The following DAB1 variants were observed in gnomAD, a reference collection of about 807,000 sequenced individuals.
The protein encoded by DAB1 is DAB adaptor protein 1, also known as disabled homolog 1.
In DAB1, 15 loss-of-function variants were observed where a neutral mutation model predicts 64.6. That is an observed-to-expected ratio of 0.23 (90% CI 0.16 to 0.36). DAB1 has a LOEUF of 0.36. Ranked by LOEUF, DAB1 falls within the 10% of genes least tolerant of loss-of-function variation. The pLI is 1.00. For missense variants in DAB1, 596 were observed against 706.7 expected (o/e 0.84, Z 1.78); for synonymous variants, 235 against 251.9 (o/e 0.93, Z 0.64).
chr1:57,965,451 G>A (rs372033349), intron 5 of DAB1, among the ~76,000 whole-genome samples: 117 of 152,172 alleles, frequency 7.7e-4, no homozygotes, highest in Non-Finnish European at 1.1e-3. Flanking sequence ...TAACAAAATC[G>A]AGTTGATAGG....
In DAB1 at chr1:57,622,493, CAT is replaced by C. The variant is rs543826577; in HGVS notation, n.625+27097_625+27098del. 2.4e-3 allele frequency among the ~76,000 whole-genome samples: 358 copies of C among 152,292 alleles called. 2 individuals carry two copies. The highest frequency in any genetic ancestry group is 7.1e-3 in the Admixed American group (109 of 15,298). Reference sequence around the variant, plus strand: ...GAAATAATAACTGACTTAATGATAACATATGGAATGTTTTCTGTGATAAGTAT... The same window carrying C: ...GAAATAATAACTGACTTAATGATAACATGGAATGTTTTCTGTGATAAGTAT... On this transcript the variant is annotated intron_variant and non_coding_transcript_variant, in intron 7 of 20. Transcript: ENST00000485760.
intron 5 of DAB1, among the ~76,000 whole-genome samples, chr1:58,002,472 C>G (rs1343634): frequency 0.18 from 27,774 of 152,148 alleles, 2,945 homozygotes; most frequent in East Asian, 0.34. Flanking sequence ...ATCAGCCTTA[C>G]AATCCACATT....
chr1:57,100,911 AT>A (rs1380011737), intron 4 of DAB1, among the ~76,000 whole-genome samples: 4 of 152,154 alleles, frequency 2.6e-5, no homozygotes, highest in East Asian at 3.8e-4. Context: ...AATATTAAAT[AT>A]TTTTTAGCCT....
At chr1:57,254,678 G>A (rs1669623164) in intron 2 of DAB1, among the ~76,000 whole-genome samples, 2 of 151,938 alleles carry the variant, frequency 1.3e-5, no homozygotes, top group South Asian at 4.1e-4. Context: ...AACTGTCTAG[G>A]TTATTTCTTT....
At chr1:57,877,545 A>ATTTTTTTTT (rs58070219) in intron 1 of DAB1, among the ~76,000 whole-genome samples, 2 of 65,044 alleles carry the variant, frequency 3.1e-5, no homozygotes, top group East Asian at 3.8e-4. Context: ...TAATTGATTT[A>ATTTTTTTTT]TTTTTTTTTT....
intron 1 of DAB1, among the ~76,000 whole-genome samples, chr1:57,857,951 CA>C (rs1653835820): frequency 1.6e-5 from 2 of 127,830 alleles, no homozygotes; most frequent in African/African-American, 6.0e-5. Flanking sequence ...AAAAAAAAAA[CA>C]AAACAAAGCC....
At chr1:57,838,771 C>CTTTT (rs5774374) in intron 1 of DAB1, among the ~76,000 whole-genome samples, 3 of 141,350 alleles carry the variant, frequency 2.1e-5, no homozygotes, top group Non-Finnish European at 3.1e-5. Flanking sequence ...TTCTTTCTTC[C>CTTTT]TTTTTTTTTT....
chr1:58,370,828 G>A (rs1258188917), intron 3 of DAB1, among the ~76,000 whole-genome samples: 1 of 152,168 alleles, frequency 6.6e-6, no homozygotes, highest in Non-Finnish European at 1.5e-5. Flanking sequence ...TGTAAGACAT[G>A]CCTTGCTTTG....
chr1:58,440,244 G>A (rs1397439645), intron 3 of DAB1, among the ~76,000 whole-genome samples: 2 of 152,158 alleles, frequency 1.3e-5, no homozygotes, highest in Non-Finnish European at 2.9e-5. Context: ...CGCACTGCTT[G>A]GATTTGTGTA....
At chr1:58,147,091 G>A (rs554518292) in intron 5 of DAB1, among the ~76,000 whole-genome samples, 1 of 152,028 alleles carries the variant, frequency 6.6e-6, no homozygotes, top group Non-Finnish European at 1.5e-5. Flanking sequence ...CAGATCACTG[G>A]AGGTCAGGAG....
chr1:57,355,277 AT>A (rs774828157), intron 1 of DAB1, among the ~76,000 whole-genome samples: 184 of 137,250 alleles, frequency 1.3e-3, no homozygotes, highest in African/African-American at 4.7e-3. Context: ...CCTGGCATAC[AT>A]TTTTTTTTCC....
chr1:58,282,726 T>C (rs1250231882), intron 4 of DAB1, among the ~76,000 whole-genome samples: 1 of 152,108 alleles, frequency 6.6e-6, no homozygotes, highest in Non-Finnish European at 1.5e-5. Flanking sequence ...TGGAAAGATA[T>C]TTCCCAAAAT....
intron 3 of DAB1, among the ~76,000 whole-genome samples, chr1:58,494,080 T>C (rs539247178): frequency 2.8e-4 from 42 of 151,828 alleles, no homozygotes; most frequent in African/African-American, 9.2e-4. Context: ...ATATAGACCA[T>C]TGGAACAGAA....
intron 3 of DAB1, among the ~76,000 whole-genome samples, chr1:58,394,485 A>T (rs186767766): frequency 6.6e-6 from 1 of 152,318 alleles, no homozygotes; most frequent in Non-Finnish European, 1.5e-5. Flanking sequence ...TACCTCGTGA[A>T]TGGTTAAATA....
intron 6 of DAB1, among the ~76,000 whole-genome samples, chr1:57,771,083 A>G (rs576761567): frequency 1.3e-5 from 2 of 152,312 alleles, no homozygotes; most frequent in African/African-American, 4.8e-5. Context: ...ACGAGGGCAG[A>G]GATATTGCAT....
intron 14 of DAB1, among the ~76,000 whole-genome samples, chr1:56,998,626 A>G (rs1298286652): frequency 6.6e-6 from 1 of 152,242 alleles, no homozygotes; most frequent in African/African-American, 2.4e-5. Flanking sequence ...TGTCCACTTG[A>G]GAACCCTGAA....
At position 57,622,827 on chromosome 1, in the gene DAB1, C is replaced by T. The variant is rs184975487; in HGVS notation, n.625+26765G>A. 2.5e-3 allele frequency among the ~76,000 whole-genome samples: 385 copies of T among 152,262 alleles called. 2 individuals are homozygous for T. Among genetic ancestry groups the T allele is most frequent in the African/African-American group, 8.6e-3 (359 of 41,542 alleles). Reference sequence around the variant, plus strand: ...GAATATAGACAGTGTTTGCTCTGTGCACTTCCTAGTCATTTGTCTCCCCTT... The same window carrying T: ...GAATATAGACAGTGTTTGCTCTGTGTACTTCCTAGTCATTTGTCTCCCCTT... On this transcript the variant is annotated intron_variant and non_coding_transcript_variant, in intron 7 of 20. Transcript: ENST00000485760.
intron 10 of DAB1, among the ~76,000 whole-genome samples, chr1:57,025,679 G>T (rs72903345): frequency 0.017 from 2,518 of 152,220 alleles, 60 homozygotes; most frequent in African/African-American, 0.057. Flanking sequence ...CATCTCCTTC[G>T]GGCCTTTCTT....
At chr1:58,104,559 C>T (rs1394242881) in intron 5 of DAB1, among the ~76,000 whole-genome samples, 1 of 152,160 alleles carries the variant, frequency 6.6e-6, no homozygotes, top group Non-Finnish European at 1.5e-5. Flanking sequence ...TTCTGTTCCA[C>T]AGGAAGTGAG....
Sources: allele counts gnomAD v4.1 joint callset (sites outside exome capture counted in the v4.1 genomes callset), GRCh38; gene constraint gnomAD v4.1.1; transcripts MANE v1.5; gene names NCBI Gene and HGNC (gene_info 2026-07-23, HGNC 2026-07-21).